Variants in KLHDC1 observed in about 807,000 individuals in gnomAD.
KLHDC1 encodes kelch domain containing 1, also known as kelch domain-containing protein 1.
Under a neutral mutation model 68.3 loss-of-function variants are expected in KLHDC1, and 53 were observed. The ratio of observed to expected loss-of-function variants is 0.78; its 90% CI spans 0.62 to 0.98. KLHDC1 has a LOEUF of 0.98. KLHDC1 is among the 50% of genes least tolerant of loss of function. The pLI is 0.00. For synonymous variants in KLHDC1, 148 were observed against 159.0 expected, an observed-to-expected ratio of 0.93 and a Z score of 0.52; for missense variants, 470 against 492.3, an observed-to-expected ratio of 0.95 and a Z score of 0.43.
chr14:49,737,730 T>G lies in KLHDC1; in HGVS notation c.897-2368T>G, dbSNP rs1222816176. ...AAAAAAAAAAATTAGCTGGGTGTGG[T>G]GGCGTGTGCCTGTAGTTCTAGCTAC... On this transcript the variant is annotated intron_variant, in intron 10 of 12. Transcript: ENST00000359332. 2.0e-5 allele frequency among the ~76,000 whole-genome samples: 3 copies of G among 150,424 alleles called. No homozygotes were observed. In the East Asian group the frequency reaches 5.9e-4, roughly 30 times the overall value.
intron 10 of KLHDC1, among the ~76,000 whole-genome samples, chr14:49,739,097 G>A (rs1294879439): frequency 6.6e-6 from 1 of 152,192 alleles, no homozygotes. Context: ...GAATAGAGAT[G>A]GTAACAGAAC....
chr14:49,703,796 A>G (rs888096942), intron 1 of KLHDC1, among the ~76,000 whole-genome samples: 7 of 152,234 alleles, frequency 4.6e-5, no homozygotes, highest in African/African-American at 7.2e-5. Context: ...CTCTAGATCC[A>G]TTCATTTGAT....
chr14:49,707,321 A>C (rs908096193), intron 1 of KLHDC1, among the ~76,000 whole-genome samples: 7 of 144,170 alleles, frequency 4.9e-5, no homozygotes. Flanking sequence ...AGAGAGAGAC[A>C]TGGTAGACAA....
intron 1 of KLHDC1, among the ~76,000 whole-genome samples, chr14:49,706,044 AG>A (rs1888042152): frequency 6.6e-6 from 1 of 152,184 alleles, no homozygotes; most frequent in Non-Finnish European, 1.5e-5. Context: ...TATTGACTAT[AG>A]TCACCCTATT....
chr14:49,702,768 A>G (rs940023848), intron 1 of KLHDC1, among the ~76,000 whole-genome samples: 1 of 152,224 alleles, frequency 6.6e-6, no homozygotes, highest in African/African-American at 2.4e-5. Context: ...GGTTGCAGGC[A>G]AGTGGCTAGG....
At chr14:49,697,441 TATA>T (rs371243644) in intron 1 of KLHDC1, among the ~76,000 whole-genome samples, 1 of 152,038 alleles carries the variant, frequency 6.6e-6, no homozygotes, top group Non-Finnish European at 1.5e-5. Flanking sequence ...CCATAACAGA[TATA>T]ATAATAATAA....
At chr14:49,744,336 A>G (rs985791398) in intron 12 of KLHDC1, among the ~76,000 whole-genome samples, 4 of 152,000 alleles carry the variant, frequency 2.6e-5, no homozygotes, top group African/African-American at 9.7e-5. Context: ...ATGTACACAT[A>G]CAATACAGTC....
At chr14:49,693,944 G>A (rs1887658296) in intron 1 of KLHDC1, among the ~76,000 whole-genome samples, 1 of 150,932 alleles carries the variant, frequency 6.6e-6, no homozygotes, top group African/African-American at 2.4e-5. Flanking sequence ...ATAGAGACAG[G>A]GTTTCCCATG....
At chr14:49,732,877 C>A in intron 9 of KLHDC1, 61 bp downstream of exon 9, 1 of 852,204 alleles carries the variant, frequency 1.2e-6, no homozygotes, top group Non-Finnish European at 1.9e-6. Flanking sequence ...AATTGTATTT[C>A]ATACTTACAG....
intron 7 of KLHDC1, among the ~76,000 whole-genome samples, chr14:49,729,218 T>C (rs1888743936): frequency 6.6e-6 from 1 of 152,212 alleles, no homozygotes. Context: ...GGAGAATCTT[T>C]CAGTGCAGTA....
chr14:49,720,470 C>T (rs1398336920), intron 4 of KLHDC1, among the ~76,000 whole-genome samples: 5 of 151,862 alleles, frequency 3.3e-5, no homozygotes, highest in African/African-American at 7.3e-5. Flanking sequence ...GTTTTTGTTT[C>T]TCTGTATGTG....
chr14:49,702,168 C>CAAA (rs56298211), intron 1 of KLHDC1, among the ~76,000 whole-genome samples: 1 of 70,926 alleles, frequency 1.4e-5, no homozygotes, highest in African/African-American at 6.2e-5. Context: ...AATTCTGTCT[C>CAAA]AAAAAAAAAA....
At chr14:49,705,752 C>T (rs1888034702) in intron 1 of KLHDC1, among the ~76,000 whole-genome samples, 2 of 152,204 alleles carry the variant, frequency 1.3e-5, no homozygotes, top group African/African-American at 2.4e-5. Flanking sequence ...AGTAGCTCCC[C>T]TTCTTATAAT....
At chr14:49,705,630 A>G (rs1888032150) in intron 1 of KLHDC1, among the ~76,000 whole-genome samples, 1 of 151,932 alleles carries the variant, frequency 6.6e-6, no homozygotes, top group Non-Finnish European at 1.5e-5. Context: ...CAGCCTCCCA[A>G]AGTGCTAGGA....
intron 11 of KLHDC1, among the ~76,000 whole-genome samples, chr14:49,741,420 C>G (rs1889063540): frequency 6.6e-6 from 1 of 151,958 alleles, no homozygotes; most frequent in Non-Finnish European, 1.5e-5. Context: ...ATTCTCCGGC[C>G]TCAGCCTCCC....
chr14:49,751,341 G>A (rs971241210), intron 12 of KLHDC1, among the ~76,000 whole-genome samples: 7 of 152,032 alleles, frequency 4.6e-5, no homozygotes, highest in African/African-American at 7.2e-5. Context: ...AAGGATAAAT[G>A]TTTGAGGGGA....
chr14:49,745,116 GAGAA>G (rs1290965529), intron 12 of KLHDC1, among the ~76,000 whole-genome samples: 2 of 152,176 alleles, frequency 1.3e-5, no homozygotes, highest in African/African-American at 4.8e-5. Flanking sequence ...GAAGACATAT[GAGAA>G]AGAGAGAGAT....
chr14:49,698,542 GTA>G (rs746485482), intron 1 of KLHDC1, among the ~76,000 whole-genome samples: 3 of 150,440 alleles, frequency 2.0e-5, no homozygotes, highest in African/African-American at 4.9e-5. Flanking sequence ...TTGAGACAGA[GTA>G]TCTCTCTGTT....
intron 12 of KLHDC1, among the ~76,000 whole-genome samples, chr14:49,745,816 G>A (rs1889185952): frequency 6.6e-6 from 1 of 152,164 alleles, no homozygotes; most frequent in Admixed American, 6.5e-5. Flanking sequence ...GAAATCATAT[G>A]TCATCTAGAA....
Sources: gnomAD v4.1 joint callset for allele counts (sites outside exome capture counted in the v4.1 genomes callset) on GRCh38, gnomAD v4.1.1 for gene constraint, MANE v1.5 for transcripts, NCBI Gene and HGNC (gene_info 2026-07-23, HGNC 2026-07-21) for gene names.